ZFYVE27: variants seen among roughly 807,000 people sequenced by gnomAD.
The protein encoded by ZFYVE27 is zinc finger FYVE-type containing 27.
ZFYVE27 carries 36 observed loss-of-function variants against 52.8 expected under a neutral mutation model. The ratio of observed to expected loss-of-function variants is 0.68; its 90% CI spans 0.52 to 0.90. The LOEUF (loss-of-function observed/expected upper bound fraction) is 0.90, where lower values mean the gene tolerates loss of function less well. Ranked by LOEUF, ZFYVE27 falls within the 40% of genes least tolerant of loss-of-function variation. The probability of loss-of-function intolerance (pLI) is 0.00; values close to 1 mark genes in which losing one functional copy is unlikely to be tolerated. For missense variants in ZFYVE27, 450 were observed against 527.2 expected (o/e 0.85, Z 1.43); for synonymous variants, 223 against 215.6 (o/e 1.03, Z -0.30).
intron 3 of ZFYVE27, among the ~76,000 whole-genome samples, chr10:97,744,285 T>G (rs1351008951): frequency 1.3e-5 from 2 of 152,236 alleles, no homozygotes; most frequent in African/African-American, 4.8e-5. Context: ...GGCACAATCG[T>G]CTGCAGTGTC....
chr10:97,741,715 A>G (rs1204754012), intron 2 of ZFYVE27, among the ~76,000 whole-genome samples: 2 of 152,216 alleles, frequency 1.3e-5, no homozygotes, highest in Non-Finnish European at 2.9e-5. Flanking sequence ...ATACCTACGT[A>G]ACAAACCTGC....
At position 97,759,543 on chromosome 10, in the gene ZFYVE27, G is replaced by A. The variant is rs866620872; in HGVS notation, c.*243G>A. 6 of 600,578 alleles carry A rather than the reference G, an allele frequency of 1.0e-5. No individual in the cohort carries two copies. The highest frequency in any genetic ancestry group is 2.4e-5 in the Admixed American group (1 of 41,074). 37.2% of individuals were successfully genotyped at this position (600,578 alleles called of 1,614,324 possible). ...GAAGAGCCCCTGGAGGGCCTGGCAT[G>A]TTTGTCCTGCTCTGCCTGGGACTGA... On this transcript the variant is annotated 3_prime_UTR_variant, in exon 13 of 13. Coordinates refer to ENST00000684270, the MANE Select transcript of ZFYVE27 (RefSeq NM_001385875.1).
intron 12 of ZFYVE27, chr10:97,757,925 G>T (rs1390006590): frequency 1.7e-6 from 1 of 580,582 alleles, no homozygotes; most frequent in Non-Finnish European, 3.1e-6. Context: ...CCTGTGAATT[G>T]TGAAGGGTAA....
At position 97,744,727 on chromosome 10, in the gene ZFYVE27, A is replaced by G; in HGVS notation, c.269-2A>G. 6.2e-7 allele frequency: 1 copy of G among 1,613,454 alleles called. No homozygotes were observed. Among genetic ancestry groups the G allele is most frequent in the Non-Finnish European group, 8.5e-7 (1 of 1,179,992 alleles). On this transcript the variant is annotated splice_acceptor_variant, in intron 3 of 12. Transcript: ENST00000684270. LOFTEE classifies it high-confidence loss of function. ...TTACCTGCAGTGTTTTTGATTCTGC[A>G]GGTGCATGGTACTCAGTAGGTGCCC...
At chr10:97,755,211 C>T (rs571513265) in intron 10 of ZFYVE27, among the ~76,000 whole-genome samples, 2 of 152,374 alleles carry the variant, frequency 1.3e-5, no homozygotes, top group African/African-American at 4.8e-5. Flanking sequence ...GCTACTTTCC[C>T]TTTTCTGAGA....
rs943915178 is a variant in ZFYVE27 at position 97,745,150 on chromosome 10, C to G, written c.455+235C>G. Among the ~76,000 whole-genome samples, 5 of 151,548 alleles carry G rather than the reference C, an allele frequency of 3.3e-5. No individual in the cohort carries two copies. In the East Asian group the frequency reaches 9.7e-4, roughly 30 times the overall value. On this transcript the variant is annotated intron_variant, in intron 4 of 12. Coordinates refer to ENST00000684270, the MANE Select transcript of ZFYVE27 (RefSeq NM_001385875.1). The stretch of plus-strand genomic sequence containing the variant: ...AGCTGGGATGAGAATCTCGATCTAG[C>G]TGTTTGTTTTCACAGCTTCTGTTCT...
In ZFYVE27 at chr10:97,751,865, A is replaced by G. The variant is rs57432890; in HGVS notation, c.876+403A>G. ...GGGGCTGGGAGGGGAGGTTGGAGAA[A>G]GTAGTTGCATGGCCAAGTGCTAGGT... On this transcript the variant is annotated intron_variant, in intron 8 of 12. Coordinates refer to ENST00000684270, the MANE Select transcript of ZFYVE27 (RefSeq NM_001385875.1). 4.8e-3 allele frequency among the ~76,000 whole-genome samples: 728 copies of G among 152,342 alleles called. 17 individuals are homozygous for G. Among genetic ancestry groups the G allele is most frequent in the African/African-American group, 0.017 (698 of 41,574 alleles).
chr10:97,758,411 C>T (rs2048955953), intron 12 of ZFYVE27, among the ~76,000 whole-genome samples: 1 of 151,002 alleles, frequency 6.6e-6, no homozygotes, highest in Non-Finnish European at 1.5e-5. Context: ...ACAACCTCTG[C>T]CTCCTGGGTT....
chr10:97,754,635 C>A, intron 10 of ZFYVE27: 2 of 1,282,834 alleles, frequency 1.6e-6, no homozygotes, highest in Non-Finnish European at 2.0e-6. Flanking sequence ...ATTTATGCTG[C>A]CTGCTGACTT....
At position 97,749,466 on chromosome 10, in the gene ZFYVE27, T is replaced by G; in HGVS notation, c.552-8T>G. ...TTTCTGATCTTGTGGTTCTTCCCTG[T>G]CATCCAGGTTCTATGGGGCTCTTCT... is the stretch of plus-strand genomic sequence containing the variant. On this transcript the variant is annotated splice_region_variant and splice_polypyrimidine_tract_variant and intron_variant, in intron 5 of 12. Transcript: ENST00000684270. The G allele has an allele frequency of 6.2e-7, 1 of 1,611,060 alleles. No individual in the cohort carries two copies.
In ZFYVE27 at chr10:97,750,415, A is replaced by G. The variant is rs1230794081; in HGVS notation, c.749A>G (p.Asp250Gly). The G allele has an allele frequency of 1.2e-6, 2 of 1,614,096 alleles. No homozygotes were observed. The highest frequency in any genetic ancestry group is 1.7e-6 in the Non-Finnish European group (2 of 1,180,010). The part of the protein sequence containing the change: ...EHAFESPPPP[D>G]VGGKDGLMDS... ...GCCTTTGAGAGTCCTCCACCACCAGATGTTGGGGGGAAGGATGGTCTGATG... is the reference window on the plus strand; with the variant it reads ...GCCTTTGAGAGTCCTCCACCACCAGGTGTTGGGGGGAAGGATGGTCTGATG... Residue 250 changes from aspartate (D) to glycine (G), a missense_variant, in exon 7 of 13, where the codon GAT becomes GGT. Physicochemically the swap from Asp to Gly is moderately conservative, Grantham distance 94. Coordinates refer to ENST00000684270, the MANE Select transcript of ZFYVE27 (RefSeq NM_001385875.1).
chr10:97,755,241 A>G (rs1255208638), intron 10 of ZFYVE27, among the ~76,000 whole-genome samples: 1 of 152,220 alleles, frequency 6.6e-6, no homozygotes, highest in East Asian at 1.9e-4. Context: ...GCTCTTTGCC[A>G]TGAGGGCAGG....
At chr10:97,757,746 G>A (rs754159177) in intron 12 of ZFYVE27, 23 bp downstream of exon 12, 1 of 1,613,050 alleles carries the variant, frequency 6.2e-7, no homozygotes, top group South Asian at 1.1e-5. Context: ...GGTGGTGGGA[G>A]GGCTTGGTTG....
intron 11 of ZFYVE27, 96 bp downstream of exon 11, chr10:97,757,407 G>A (rs2048641455): frequency 3.2e-6 from 5 of 1,566,584 alleles, no homozygotes; most frequent in South Asian, 1.1e-5. Flanking sequence ...GTCTGGCTCG[G>A]GTCACATTGG....
chr10:97,741,459 T>C (rs1017951196), intron 2 of ZFYVE27, among the ~76,000 whole-genome samples: 4 of 152,182 alleles, frequency 2.6e-5, no homozygotes, highest in Admixed American at 1.3e-4. Flanking sequence ...TTCATGTCCT[T>C]TGCAGGGACA....
chr10:97,752,905 G>A (rs1209394893), intron 9 of ZFYVE27, 28 bp downstream of exon 9: 1 of 1,613,770 alleles, frequency 6.2e-7, no homozygotes, highest in Admixed American at 1.7e-5. Flanking sequence ...TGGGTGGGCA[G>A]GGGCTGGGCT....
At chr10:97,750,971 G>A (rs2046823608) in intron 7 of ZFYVE27, among the ~76,000 whole-genome samples, 1 of 152,124 alleles carries the variant, frequency 6.6e-6, no homozygotes, top group Non-Finnish European at 1.5e-5. Context: ...TCAAACTCCT[G>A]GGCTCAAGTG....
At chr10:97,749,666 A>G (rs1427744809) in intron 6 of ZFYVE27, 80 bp downstream of exon 6, 3 of 1,134,318 alleles carry the variant, frequency 2.6e-6, no homozygotes, top group Non-Finnish European at 4.0e-6. Flanking sequence ...TTCTGTCTCT[A>G]CAGCTAATCA....
intron 5 of ZFYVE27, among the ~76,000 whole-genome samples, chr10:97,748,926 A>G (rs2136162563): frequency 6.6e-6 from 1 of 152,290 alleles, no homozygotes. Flanking sequence ...AAATTCAAGG[A>G]TGAAACTACC....
Sources: gnomAD v4.1 joint callset for allele counts (sites outside exome capture counted in the v4.1 genomes callset) on GRCh38, gnomAD v4.1.1 for gene constraint, MANE v1.5 for transcripts, NCBI Gene and HGNC (gene_info 2026-07-23, HGNC 2026-07-21) for gene names.